The following ACIN1 variants were observed in gnomAD, a reference collection of about 807,000 sequenced individuals.
The protein encoded by ACIN1 is apoptotic chromatin condensation inducer 1, also known as apoptotic chromatin condensation inducer in the nucleus.
A neutral mutation model predicts 146.6 loss-of-function variants in ACIN1; 16 were observed. That is an observed-to-expected ratio of 0.11 (90% CI 0.07 to 0.17). ACIN1 has a LOEUF of 0.17. Among genes scored for constraint, ACIN1 ranks in the 10% least tolerant of loss-of-function variants. The pLI, the probability that ACIN1 is intolerant of heterozygous loss-of-function variation, is 1.00. For missense variants in ACIN1, 1,357 were observed against 1,609.3 expected (o/e 0.84, Z 2.68); for synonymous variants, 569 against 582.7 (o/e 0.98, Z 0.34).
At chr14:23,064,785 T>G in intron 10 of ACIN1, 2 of 239,324 alleles carry the variant, frequency 8.4e-6, no homozygotes, top group Non-Finnish European at 1.5e-5. Context: ...TAATCCCAGC[T>G]ACTCAGGGTG....
Position 23,068,664 on chromosome 14 carries a change from A to G in ACIN1, c.2265+812T>C, listed in dbSNP as rs2047531743. 4 of 985,864 alleles carry G rather than the reference A, an allele frequency of 4.1e-6. No individual in the cohort carries two copies. The highest frequency in any genetic ancestry group is 4.8e-6 in the Non-Finnish European group (4 of 829,952). The allele number at this position is 985,864 out of a possible 1,614,324, so 61.1% of individuals were successfully genotyped here. A position where few individuals can be genotyped will look rare whatever the true frequency, so the allele number is the denominator to read the frequency against. ...ATATTTTACGGGCGGATTACCGTAC[A>G]TGAGGTACTTGGACAAAGTTTTACG... On this transcript the variant is annotated intron_variant, in intron 9 of 18. Coordinates refer to ENST00000605057, the MANE Select transcript of ACIN1 (RefSeq NM_001386863.1). The surrounding 1 kb of genome is among the most constrained non-coding windows in gnomAD (Gnocchi z 4.3).
chr14:23,079,085 A>G (rs1247736035), intron 6 of ACIN1, 47 bp from the exon 7 acceptor site: 1 of 1,547,928 alleles, frequency 6.5e-7, no homozygotes, highest in East Asian at 2.3e-5. Flanking sequence ...TGTATATGGT[A>G]TATATTCAGT....
chr14:23,063,073 C>A lies in ACIN1; in HGVS notation c.2739G>T (p.Val913=). The A allele has an allele frequency of 6.2e-7, 1 of 1,606,450 alleles. No individual in the cohort carries two copies. The highest frequency in any genetic ancestry group is 1.1e-5 in the South Asian group (1 of 89,462). ...GTCGAGTTAAGGTATCTCCTAAAGT[C>A]ACTATCAAGAAGACCACAAGAACAG... ...PPPAEHEVKK[V]TLGDTLTRRS... The change falls in exon 14 of 19, where the codon GTG becomes GTT. Residue 913 remains valine, a splice_region_variant and synonymous_variant. Coordinates refer to ENST00000605057, the MANE Select transcript of ACIN1 (RefSeq NM_001386863.1).
intron 8 of ACIN1, among the ~76,000 whole-genome samples, chr14:23,072,080 TG>T (rs1460121836): frequency 6.6e-6 from 1 of 152,104 alleles, no homozygotes; most frequent in Non-Finnish European, 1.5e-5. Flanking sequence ...GGAGGTGGGA[TG>T]GGAATTGTCA....
intron 8 of ACIN1, 51 bp downstream of exon 8, chr14:23,078,100 A>G: frequency 6.4e-7 from 1 of 1,554,548 alleles, no homozygotes; most frequent in Non-Finnish European, 8.9e-7. Context: ...GCGAAGAACT[A>G]TCGCACACTC....
In ACIN1 at chr14:23,094,560, C is replaced by T. The variant is rs568104462; in HGVS notation, c.138+415G>A. On this transcript the variant is annotated intron_variant, in intron 1 of 18. Coordinates refer to ENST00000605057, the MANE Select transcript of ACIN1 (RefSeq NM_001386863.1). ...TATTCGTGCAGATACCGATACCAAC[C>T]CCATCCACCCCTTCGCGCAACTATA... 47 of 984,512 alleles carry T rather than the reference C, an allele frequency of 4.8e-5. No individual in the cohort carries two copies. The South Asian group carries it at 9.4e-4, about 20-fold the overall frequency. The allele number at this position is 984,512 out of a possible 1,614,324, so 61.0% of individuals were successfully genotyped here.
In ACIN1 at chr14:23,058,883, G is replaced by A; in HGVS notation, c.*265C>T. 2.0e-6 allele frequency: 1 copy of A among 509,512 alleles called. No homozygotes were observed. The highest frequency in any genetic ancestry group is 3.5e-6 in the Non-Finnish European group (1 of 285,334). The allele number at this position is 509,512 out of a possible 1,614,324, so 31.6% of individuals were successfully genotyped here. ...GGCACCTGGCTGTTCCCCATCTCTGGCCAACCACCTCCTTGCCTAACCTAG... is the reference window on the plus strand; with the variant it reads ...GGCACCTGGCTGTTCCCCATCTCTGACCAACCACCTCCTTGCCTAACCTAG... On this transcript the variant is annotated 3_prime_UTR_variant, in exon 19 of 19. Coordinates refer to ENST00000605057, the MANE Select transcript of ACIN1 (RefSeq NM_001386863.1).
chr14:23,071,511 T>C (rs2047653155), intron 8 of ACIN1: 3 of 1,551,620 alleles, frequency 1.9e-6, no homozygotes, highest in East Asian at 2.4e-5. Flanking sequence ...CTCTATTGTA[T>C]TGGCGGAGCG....
chr14:23,068,111 G>A lies in ACIN1; in HGVS notation c.2265+1365C>T. ...ATCTGATGAGCAAGTGGTGACACAT[G>A]GGCTGGGCTGTCATCAGCATTAAAT... On this transcript the variant is annotated intron_variant, in intron 9 of 18. Transcript: ENST00000605057. The surrounding 1 kb of genome is among the most constrained non-coding windows in gnomAD (Gnocchi z 4.3). The A allele has an allele frequency of 2.0e-6, 2 of 985,884 alleles. No individual in the cohort carries two copies. The highest frequency in any genetic ancestry group is 2.4e-6 in the Non-Finnish European group (2 of 829,972). The allele number at this position is 985,884 out of a possible 1,614,324, so 61.1% of individuals were successfully genotyped here.
chr14:23,068,666 G>A lies in ACIN1; in HGVS notation c.2265+810C>T. On this transcript the variant is annotated intron_variant, in intron 9 of 18. Transcript: ENST00000605057. The surrounding 1 kb of genome is among the most constrained non-coding windows in gnomAD (Gnocchi z 4.3). ...ATTTTACGGGCGGATTACCGTACAT[G>A]AGGTACTTGGACAAAGTTTTACGGG... 1.0e-6 allele frequency: 1 copy of A among 985,850 alleles called. No homozygotes were observed. Among genetic ancestry groups the A allele is most frequent in the South Asian group, 4.7e-5 (1 of 21,292 alleles). 61.1% of individuals were successfully genotyped at this position (985,850 alleles called of 1,614,324 possible).
At position 23,059,335 on chromosome 14, in the gene ACIN1, C is replaced by T. The variant is rs762922055; in HGVS notation, c.3665G>A (p.Arg1222His). Residue 1222 changes from arginine (R) to histidine (H), a missense_variant, in exon 19 of 19, where the codon CGT (arginine) becomes CAT (histidine). By Grantham distance (29) the Arg-to-His change is conservative. Transcript: ENST00000605057. Reference protein sequence around the residue: ...ERNRQLEREKRREHSRERDRE... With the variant: ...ERNRQLEREKHREHSRERDRE... ...GTCCCTCTCCCGACTGTGCTCCCGA[C>T]GTTTCTCTCGCTCCAGCTGTCGGTT... 8 of 1,606,396 alleles carry T rather than the reference C, an allele frequency of 5.0e-6. No homozygotes were observed. The highest frequency in any genetic ancestry group is 6.8e-6 in the Non-Finnish European group (8 of 1,173,078).
At chr14:23,079,116 T>A in intron 6 of ACIN1, 78 bp from the exon 7 acceptor site, 1 of 1,392,462 alleles carries the variant, frequency 7.2e-7, no homozygotes, top group Non-Finnish European at 9.7e-7. Flanking sequence ...GTTTTCCAGT[T>A]TCCATGGACC....
chr14:23,072,533 G>A (rs2047689566), intron 8 of ACIN1, among the ~76,000 whole-genome samples: 1 of 152,180 alleles, frequency 6.6e-6, no homozygotes, highest in Non-Finnish European at 1.5e-5. Context: ...AGACCAAAGT[G>A]GGAAACAGAT....
Position 23,064,182 on chromosome 14 carries a change from A to T in ACIN1, c.2518T>A (p.Ser840Thr). The change falls in exon 12 of 19, where the codon TCT becomes ACT. Residue 840 changes from serine (S) to threonine (T), a missense_variant. By Grantham distance (58) the Ser-to-Thr change is moderately conservative. Transcript: ENST00000605057. Reference sequence around the variant, plus strand: ...CCATTACGCTCTGTCTCATCCTCAGAGATGCGAGAGTCATCAGCATGAAGA... The same window carrying T: ...CCATTACGCTCTGTCTCATCCTCAGTGATGCGAGAGTCATCAGCATGAAGA... Reference protein sequence around the residue: ...VDLHADDSRISEDETERNGDD... With the variant: ...VDLHADDSRITEDETERNGDD... 1 of 1,614,102 alleles carries T rather than the reference A, an allele frequency of 6.2e-7. No individual in the cohort carries two copies. The highest frequency in any genetic ancestry group is 1.1e-5 in the South Asian group (1 of 91,080).
chr14:23,069,652 G>GCGCC, intron 8 of ACIN1, 35 bp from the exon 9 acceptor site: 1 of 577,964 alleles, frequency 1.7e-6, no homozygotes, highest in Non-Finnish European at 3.3e-6. Context: ...GGGGGGGCGG[G>GCGCC]CAGAAAAGAA....
intron 10 of ACIN1, among the ~76,000 whole-genome samples, chr14:23,065,513 G>C (rs548803015): frequency 1.3e-5 from 2 of 152,204 alleles, no homozygotes; most frequent in South Asian, 4.1e-4. Context: ...ACTGGGACCC[G>C]GAGGCGGAGG....
chr14:23,092,665 G>A (rs2048258674), intron 2 of ACIN1, among the ~76,000 whole-genome samples: 2 of 152,134 alleles, frequency 1.3e-5, no homozygotes, highest in African/African-American at 2.4e-5. Context: ...ATTATAATGA[G>A]GGGATTTTTA....
upstream of ACIN1, chr14:23,095,176 C>G: frequency 6.2e-7 from 1 of 1,614,244 alleles, no homozygotes; most frequent in Non-Finnish European, 8.5e-7. Flanking sequence ...TCCGCCAACG[C>G]CCTTCGAACG....
chr14:23,068,750 A>AC lies in ACIN1; in HGVS notation c.2265+725dup, dbSNP rs2047534321. 11 of 985,188 alleles carry AC rather than the reference A, an allele frequency of 1.1e-5. No individual in the cohort carries two copies. The highest frequency in any genetic ancestry group is 1.3e-5 in the Non-Finnish European group (11 of 829,916). 61.0% of individuals were successfully genotyped at this position (985,188 alleles called of 1,614,324 possible). ...CATCAAATCACTTTCACCGGCCCCCACCCCCGCAACACACACCAGAAAAAG... is the reference window on the plus strand; with the variant it reads ...CATCAAATCACTTTCACCGGCCCCCACCCCCCGCAACACACACCAGAAAAAG... On this transcript the variant is annotated intron_variant, in intron 9 of 18. Coordinates refer to ENST00000605057, the MANE Select transcript of ACIN1 (RefSeq NM_001386863.1). This position sits in a 1 kb window ranked among gnomAD's most constrained non-coding sequence, Gnocchi z 4.3.
Sources: gnomAD v4.1 joint callset for allele counts (sites outside exome capture counted in the v4.1 genomes callset) on GRCh38, gnomAD v4.1.1 for gene constraint, Gnocchi (gnomAD v3.1) non-coding constraint, MANE v1.5 for transcripts, NCBI Gene and HGNC (gene_info 2026-07-23, HGNC 2026-07-21) for gene names.